The following FAM227A variants were observed in gnomAD, a reference collection of about 807,000 sequenced individuals.
FAM227A encodes the protein family with sequence similarity 227 member A.
FAM227A carries 80 observed loss-of-function variants against 74.7 expected under a neutral mutation model. The observed-to-expected ratio is 1.07, with a 90% CI of 0.89 to 1.29. The LOEUF is 1.29. Among genes scored for constraint, FAM227A ranks in the 50% most tolerant of loss-of-function variants. FAM227A has a pLI of 0.00. For missense variants in FAM227A, 654 were observed against 683.4 expected (o/e 0.96, Z 0.48); for synonymous variants, 237 against 241.8 (o/e 0.98, Z 0.19).
chr22:38,625,376 G>C (rs2091775450), intron 9 of FAM227A, among the ~76,000 whole-genome samples: 2 of 147,524 alleles, frequency 1.4e-5, no homozygotes, highest in South Asian at 4.3e-4. Flanking sequence ...ACGACAGAGC[G>C]AGATCCGTCT....
intron 11 of FAM227A, among the ~76,000 whole-genome samples, chr22:38,612,011 A>C (rs930333072): frequency 6.6e-6 from 1 of 151,884 alleles, no homozygotes; most frequent in African/African-American, 2.4e-5. Context: ...TTCTTCCCCC[A>C]CTTCTCCTCC....
At chr22:38,628,785 T>C (rs963787356) in intron 7 of FAM227A, 49 bp downstream of exon 7, 4 of 1,114,958 alleles carry the variant, frequency 3.6e-6, no homozygotes, top group Non-Finnish European at 5.3e-6. Flanking sequence ...ATTTGTTCTG[T>C]AGAAAAATAA....
chr22:38,613,629 G>A (rs2091515918), intron 11 of FAM227A, among the ~76,000 whole-genome samples: 1 of 150,710 alleles, frequency 6.6e-6, no homozygotes, highest in African/African-American at 2.4e-5. Flanking sequence ...TCCCTGAAAT[G>A]TATGCCTTCC....
chr22:38,638,750 T>C lies in FAM227A; in HGVS notation c.368A>G (p.Lys123Arg). 1 of 1,549,250 alleles carries C rather than the reference T, an allele frequency of 6.5e-7. No homozygotes were observed. Among genetic ancestry groups the C allele is most frequent in the Non-Finnish European group, 8.7e-7 (1 of 1,145,208 alleles). ...ACACAGCAGTAGATCCCTTACCCTTTTTATAACAGAAGATCTGGCATGTCT... is the reference window on the plus strand; with the variant it reads ...ACACAGCAGTAGATCCCTTACCCTTCTTATAACAGAAGATCTGGCATGTCT... ...ELRHARSSVIKRKTADKNLLA... is the reference protein window; with the variant it reads ...ELRHARSSVIRRKTADKNLLA... The change falls in exon 5 of 17, where the codon AAA becomes AGA. Residue 123 changes from lysine to arginine, a missense_variant. By Grantham distance (26) the Lys-to-Arg change is conservative. Transcript: ENST00000535113.
chr22:38,622,417 C>T (rs2145562047), intron 10 of FAM227A, among the ~76,000 whole-genome samples: 1 of 152,350 alleles, frequency 6.6e-6, no homozygotes, highest in South Asian at 2.1e-4. Flanking sequence ...GCCTCCACCA[C>T]CATGTTCCCA....
In FAM227A at chr22:38,650,158, A is replaced by C; in HGVS notation, c.11T>G (p.Phe4Cys). The change falls in exon 2 of 17, where the codon TTC becomes TGC. Residue 4 changes from phenylalanine (F) to cysteine (C), a missense_variant. By Grantham distance (205) the Phe-to-Cys change is radical (BLOSUM62 -2). Coordinates refer to ENST00000535113, the MANE Select transcript of FAM227A (RefSeq NM_001013647.2). ...GAGGTTGATGACCTCCATCTTCCTG[A>C]AGTGATTCATTGTCCAATTTCTTGT... Reference protein sequence around the residue: MNHFRKMEVINLTT... With the variant: MNHCRKMEVINLTT... 1 of 1,551,596 alleles carries C rather than the reference A, an allele frequency of 6.4e-7. No individual in the cohort carries two copies.
intron 2 of FAM227A, among the ~76,000 whole-genome samples, chr22:38,645,868 A>T (rs574769280): frequency 1.1e-4 from 17 of 152,172 alleles, no homozygotes; most frequent in African/African-American, 4.1e-4. Flanking sequence ...TCACTGCAGC[A>T]GACCTCCCGG....
chr22:38,653,044 G>C (rs1357324645), intron 1 of FAM227A, among the ~76,000 whole-genome samples: 1 of 152,134 alleles, frequency 6.6e-6, no homozygotes, highest in African/African-American at 2.4e-5. Flanking sequence ...AGGTGAGTGA[G>C]AGAAGCTTGT....
rs79911482 is a variant in FAM227A, at chr22:38,593,600, A to G, written c.1533-2060T>C. Among the ~76,000 whole-genome samples, 379 of 152,242 alleles carry G rather than the reference A, an allele frequency of 2.5e-3. 4 individuals carry two copies. Among genetic ancestry groups the G allele is most frequent in the African/African-American group, 8.9e-3 (369 of 41,540 alleles). On this transcript the variant is annotated intron_variant, in intron 15 of 16. Coordinates refer to ENST00000535113, the MANE Select transcript of FAM227A (RefSeq NM_001013647.2). ...CAAAGAGCCCCAAAGAGCAGTCCCT[A>G]TGTCTTCTCCCTTCTCCATCCCGAC...
In FAM227A at chr22:38,650,107, T is replaced by A; in HGVS notation, c.62A>T (p.Asp21Val). 6.4e-7 allele frequency: 1 copy of A among 1,551,902 alleles called. No individual in the cohort carries two copies. Among genetic ancestry groups the A allele is most frequent in the Non-Finnish European group, 8.7e-7 (1 of 1,146,982 alleles). The change falls in exon 2 of 17, where the codon GAT becomes GTT. Residue 21 changes from aspartate to valine, a missense_variant. By Grantham distance (152) the Asp-to-Val change is radical. Coordinates refer to ENST00000535113, the MANE Select transcript of FAM227A (RefSeq NM_001013647.2). ...GACAAGCGAGACAGCCAGGTGCTCA[T>A]CCACTGGTATCATAGGTAGGGTGGT... The part of the protein sequence containing the change: ...NLTTLPMIPV[D>V]EHLAVSLVAR...
chr22:38,610,562 A>T (rs777937124), intron 11 of FAM227A, among the ~76,000 whole-genome samples: 3 of 152,174 alleles, frequency 2.0e-5, no homozygotes, highest in African/African-American at 4.8e-5. Flanking sequence ...TAAAGATAAG[A>T]AGTAATAATG....
At chr22:38,618,158 G>A (rs2091616509) in intron 11 of FAM227A, among the ~76,000 whole-genome samples, 1 of 152,188 alleles carries the variant, frequency 6.6e-6, no homozygotes, top group South Asian at 2.1e-4. Context: ...ACTTTGCATA[G>A]GAATTATTTT....
Position 38,620,237 on chromosome 22 carries a change from TGG to T in FAM227A, c.1011_1012del (p.Gln338GlufsTer11). ...CTGAGGGTGGTAGAATTTCCTGCTC[TGG>T]GCTGGCTTCTGGGAGAAGGCTCTCT... On this transcript the variant is annotated frameshift_variant, in exon 11 of 17. Transcript: ENST00000535113. LOFTEE classifies it high-confidence loss of function. 1 of 1,551,428 alleles carries T rather than the reference TGG, an allele frequency of 6.4e-7. No individual in the cohort carries two copies. The highest frequency in any genetic ancestry group is 8.7e-7 in the Non-Finnish European group (1 of 1,146,824).
rs572007878 is a variant in FAM227A, at chr22:38,612,573, T to TCCC, written c.1039-5100_1039-5098dup. Among the ~76,000 whole-genome samples the TCCC allele has an allele frequency of 1.5e-3, 222 of 152,280 alleles. 12 individuals carry two copies. The highest frequency in any genetic ancestry group is 0.015 in the Admixed American group (222 of 15,274). On this transcript the variant is annotated intron_variant, in intron 11 of 16. Coordinates refer to ENST00000535113, the MANE Select transcript of FAM227A (RefSeq NM_001013647.2). ...TTCTTCTCCACATATGTGAAACCCA[T>TCCC]CCCCAAGGTAAGAGACTTAAGTTGC...
rs147767578 is a variant in FAM227A at position 38,620,869 on chromosome 22, C to A, written c.959-578G>T. Among the ~76,000 whole-genome samples the A allele has an allele frequency of 7.3e-5, 11 of 151,710 alleles. No individual in the cohort carries two copies. In the East Asian group the frequency reaches 2.1e-3, roughly 29 times the overall value. On this transcript the variant is annotated intron_variant, in intron 10 of 16. Transcript: ENST00000535113. ...GTGCATAGGGCAGACACTCAACCCA[C>A]AGGAAAAAAAGGACTGGTTTCAGAA...
Position 38,650,024 on chromosome 22 carries a change from T to A in FAM227A, c.142+3A>T, listed in dbSNP as rs994560006. Reference sequence around the variant, plus strand: ...ATTGTAGGTGACATCACCAGAAGGATACAGGGTGGATTGTTCTCTAACTCC... The same window carrying A: ...ATTGTAGGTGACATCACCAGAAGGAAACAGGGTGGATTGTTCTCTAACTCC... On this transcript the variant is annotated splice_donor_region_variant and intron_variant, in intron 2 of 16. Transcript: ENST00000535113. 26 of 1,552,112 alleles carry A rather than the reference T, an allele frequency of 1.7e-5. No homozygotes were observed. Among genetic ancestry groups the A allele is most frequent in the Non-Finnish European group, 2.3e-5 (26 of 1,147,094 alleles).
At position 38,581,351 on chromosome 22, in the gene FAM227A, G is replaced by A. The variant is rs1006578157; in HGVS notation, c.*4774C>T. 5.9e-5 allele frequency: 9 copies of A among 152,110 alleles called. No individual in the cohort carries two copies. Among genetic ancestry groups the A allele is most frequent in the African/African-American group, 2.2e-4 (9 of 41,418 alleles). The allele number at this position is 152,110 out of a possible 1,614,324, so 9.4% of individuals were successfully genotyped here. On this transcript the variant is annotated 3_prime_UTR_variant, in exon 17 of 17. Coordinates refer to ENST00000535113, the MANE Select transcript of FAM227A (RefSeq NM_001013647.2). ...TCAAGGATCCCTAGATCCTTTTAGG[G>A]CAAATAGTATTTCAAGACCACAGTC...
At chr22:38,645,689 C>T in intron 2 of FAM227A, 44 bp from the exon 3 acceptor site, 4 of 1,268,904 alleles carry the variant, frequency 3.2e-6, no homozygotes, top group Non-Finnish European at 3.4e-6. Context: ...GATGATTACA[C>T]ACACAACAGG....
At chr22:38,628,965 T>C (rs1355145627) in intron 6 of FAM227A, 30 bp from the exon 7 acceptor site, 1 of 1,249,332 alleles carries the variant, frequency 8.0e-7, no homozygotes, top group Admixed American at 2.5e-5. Context: ...AGTATTATTA[T>C]TGTTGTTATC....
Sources: allele counts gnomAD v4.1 joint callset (sites outside exome capture counted in the v4.1 genomes callset), GRCh38; gene constraint gnomAD v4.1.1; transcripts MANE v1.5; gene names NCBI Gene and HGNC (gene_info 2026-07-23, HGNC 2026-07-21).